The following TMED3 variants were observed in gnomAD, a reference collection of about 807,000 sequenced individuals.
TMED3 encodes transmembrane p24 trafficking protein 3.
In TMED3, 9 loss-of-function variants were observed where a neutral mutation model predicts 15.0. The observed-to-expected ratio is 0.60, with a 90% CI of 0.36 to 1.04. TMED3 has a LOEUF of 1.04. Ranked by LOEUF, TMED3 falls within the 50% of genes least tolerant of loss-of-function variation. TMED3 has a pLI of 0.01. For synonymous variants in TMED3, 117 were observed against 121.4 expected, an observed-to-expected ratio of 0.96 and a Z score of 0.24; for missense variants, 267 against 278.9, an observed-to-expected ratio of 0.96 and a Z score of 0.30.
intron 2 of TMED3, among the ~76,000 whole-genome samples, chr15:79,349,367 C>T (rs1346094832): frequency 2.0e-5 from 3 of 151,830 alleles, no homozygotes; most frequent in Non-Finnish European, 4.4e-5. Flanking sequence ...GTATAAGATA[C>T]TTTTTTATCA....
intron 2 of TMED3, among the ~76,000 whole-genome samples, chr15:79,336,838 A>G (rs2058829047): frequency 6.6e-6 from 1 of 152,254 alleles, no homozygotes; most frequent in Non-Finnish European, 1.5e-5. Flanking sequence ...CTTATAAAAT[A>G]GAGGGACATA....
chr15:79,311,211 C>A lies in TMED3; in HGVS notation c.-39C>A, dbSNP rs767183279. On this transcript the variant is annotated 5_prime_UTR_variant, in exon 1 of 3. Coordinates refer to ENST00000299705, the MANE Select transcript of TMED3 (RefSeq NM_007364.4). The stretch of plus-strand genomic sequence containing the variant: ...TCGCCCCAGCCCGCCGGGGGCGCAG[C>A]GCCCGAGCCGCGGCCCTCGAGACGG... 5.1e-6 allele frequency: 8 copies of A among 1,555,596 alleles called. No homozygotes were observed. The highest frequency in any genetic ancestry group is 1.2e-5 in the South Asian group (1 of 84,976).
At chr15:79,388,045 T>C (rs989790067) in intron 2 of TMED3, among the ~76,000 whole-genome samples, 4 of 152,106 alleles carry the variant, frequency 2.6e-5, no homozygotes, top group Non-Finnish European at 5.9e-5. Context: ...AAATATAGGA[T>C]TTTTTTCCAT....
chr15:79,404,040 G>A (rs1818316), intron 2 of TMED3, among the ~76,000 whole-genome samples: 137,369 of 152,246 alleles, frequency 0.9, 62,625 homozygotes, highest in South Asian at 0.98. Flanking sequence ...TATCTTCCAG[G>A]TGATGTGGTA....
intron 2 of TMED3, among the ~76,000 whole-genome samples, chr15:79,353,094 T>C (rs1191384457): frequency 2.0e-5 from 2 of 98,528 alleles, no homozygotes; most frequent in African/African-American, 8.3e-5. Context: ...AAAATATAAA[T>C]GTATATAAAA....
intron 2 of TMED3, among the ~76,000 whole-genome samples, chr15:79,331,925 A>G (rs894879525): frequency 1.3e-5 from 2 of 152,128 alleles, no homozygotes; most frequent in Non-Finnish European, 2.9e-5. Context: ...GATGCAGAGA[A>G]AAGGGAACTC....
chr15:79,393,543 A>T (rs1315954769), intron 2 of TMED3, among the ~76,000 whole-genome samples: 1 of 152,226 alleles, frequency 6.6e-6, no homozygotes, highest in Non-Finnish European at 1.5e-5. Context: ...ACACTTGGGA[A>T]AACTTCAAGT....
At chr15:79,376,463 G>A (rs1893429579) in intron 2 of TMED3, among the ~76,000 whole-genome samples, 1 of 152,120 alleles carries the variant, frequency 6.6e-6, no homozygotes, top group African/African-American at 2.4e-5. Context: ...CACTTATTTC[G>A]CACTTTAATC....
At position 79,322,758 on chromosome 15, in the gene TMED3, G is replaced by T. The variant is rs1010982186; in HGVS notation, c.*544G>T. 1 of 985,368 alleles carries T rather than the reference G, an allele frequency of 1.0e-6. No homozygotes were observed. Among genetic ancestry groups the T allele is most frequent in the African/African-American group, 1.7e-5 (1 of 57,200 alleles). The allele number at this position is 985,368 out of a possible 1,614,324, so 61.0% of individuals were successfully genotyped here. On this transcript the variant is annotated 3_prime_UTR_variant, in exon 3 of 3. Transcript: ENST00000299705. Reference sequence around the variant, plus strand: ...ATGCAAGCAGGACAGAATGGTGACTGGGTGCCCTTGGTGAGCTGTGTATTT... The same window carrying T: ...ATGCAAGCAGGACAGAATGGTGACTTGGTGCCCTTGGTGAGCTGTGTATTT...
At chr15:79,386,963 G>C (rs116214719) in intron 2 of TMED3, among the ~76,000 whole-genome samples, 1 of 120,154 alleles carries the variant, frequency 8.3e-6, no homozygotes, top group Non-Finnish European at 1.7e-5. Flanking sequence ...ACAATGTCTC[G>C]TTCTGTCACC....
At chr15:79,404,188 G>A (rs528554922) in intron 2 of TMED3, among the ~76,000 whole-genome samples, 1 of 152,288 alleles carries the variant, frequency 6.6e-6, no homozygotes, top group East Asian at 1.9e-4. Context: ...AAGCACAATG[G>A]GCAGGTTAGT....
intron 2 of TMED3, among the ~76,000 whole-genome samples, chr15:79,399,863 G>C (rs539478570): frequency 2.0e-5 from 3 of 152,172 alleles, no homozygotes; most frequent in Non-Finnish European, 4.4e-5. Flanking sequence ...AGCTAGACTG[G>C]TACATGCTTC....
intron 2 of TMED3, chr15:79,383,006 G>C (rs946713340): frequency 1.3e-6 from 2 of 1,535,316 alleles, no homozygotes; most frequent in East Asian, 4.9e-5. Flanking sequence ...CACCACTAAG[G>C]GTTCCAGTGT....
intron 2 of TMED3, chr15:79,411,304 A>G: frequency 1.6e-6 from 1 of 642,646 alleles, no homozygotes; most frequent in Non-Finnish European, 2.8e-6. Context: ...TAGGCAATCA[A>G]CAGAACTAGA....
intron 2 of TMED3, among the ~76,000 whole-genome samples, chr15:79,329,330 G>A (rs901899879): frequency 3.3e-5 from 5 of 152,286 alleles, no homozygotes; most frequent in Admixed American, 6.5e-5. Context: ...ACAAAATATC[G>A]TTATACCAGA....
At chr15:79,361,298 TATCTC>T (rs1893123754) in intron 2 of TMED3, among the ~76,000 whole-genome samples, 2 of 152,270 alleles carry the variant, frequency 1.3e-5, no homozygotes, top group African/African-American at 2.4e-5. Context: ...TGATAAAACT[TATCTC>T]ATATGATTTT....
At position 79,312,959 on chromosome 15, in the gene TMED3, C is replaced by T. The variant is rs74759207; in HGVS notation, c.169-798C>T. Among the ~76,000 whole-genome samples, 745 of 152,284 alleles carry T rather than the reference C, an allele frequency of 4.9e-3. 8 individuals carry two copies. The highest frequency in any genetic ancestry group is 0.017 in the African/African-American group (723 of 41,562). ...ATCAGATCCCACATCTCCACTGCAA[C>T]CCCAGGGGGTTAGTTTGCAGTCTGA... On this transcript the variant is annotated intron_variant, in intron 1 of 2. Coordinates refer to ENST00000299705, the MANE Select transcript of TMED3 (RefSeq NM_007364.4).
intron 2 of TMED3, among the ~76,000 whole-genome samples, chr15:79,395,662 AT>A: frequency 6.6e-6 from 1 of 152,334 alleles, no homozygotes; most frequent in South Asian, 2.1e-4. Context: ...AAAATATCAG[AT>A]TTTAAAGGGA....
chr15:79,385,778 T>C (rs546686511), intron 2 of TMED3, among the ~76,000 whole-genome samples: 1 of 152,206 alleles, frequency 6.6e-6, no homozygotes, highest in Non-Finnish European at 1.5e-5. Flanking sequence ...GTAGCTACAG[T>C]GGCACCTGGG....
Sources: gnomAD v4.1 joint callset for allele counts (sites outside exome capture counted in the v4.1 genomes callset) on GRCh38, gnomAD v4.1.1 for gene constraint, MANE v1.5 for transcripts, NCBI Gene and HGNC (gene_info 2026-07-23, HGNC 2026-07-21) for gene names.